SNTG1: variants seen among roughly 807,000 people sequenced by gnomAD.
The protein encoded by SNTG1 is syntrophin gamma 1.
In SNTG1, 39 loss-of-function variants were observed where a neutral mutation model predicts 74.7. The ratio of observed to expected loss-of-function variants is 0.52; its 90% CI spans 0.40 to 0.68. The LOEUF is 0.68. SNTG1 is among the 30% of genes least tolerant of loss of function. SNTG1 has a pLI of 0.00. For synonymous variants in SNTG1, 254 were observed against 217.1 expected, an observed-to-expected ratio of 1.17 and a Z score of -1.49; for missense variants, 685 against 609.5, an observed-to-expected ratio of 1.12 and a Z score of -1.30.
intron 11 of SNTG1, among the ~76,000 whole-genome samples, chr8:50,545,183 G>A (rs2094378020): frequency 6.6e-6 from 1 of 151,566 alleles, no homozygotes; most frequent in African/African-American, 2.4e-5. Context: ...ATATATAATT[G>A]CAACCAAGTT....
At chr8:50,004,305 T>C (rs894250268) in intron 1 of SNTG1, among the ~76,000 whole-genome samples, 3 of 152,132 alleles carry the variant, frequency 2.0e-5, no homozygotes, top group African/African-American at 7.2e-5. Flanking sequence ...GATCACTGAG[T>C]TTTAAAATAT....
chr8:49,940,686 A>G (rs1244685164), intron 1 of SNTG1, among the ~76,000 whole-genome samples: 1 of 152,198 alleles, frequency 6.6e-6, no homozygotes, highest in Non-Finnish European at 1.5e-5. Flanking sequence ...TGTACTAACA[A>G]CAGAGAACTC....
chr8:50,245,609 G>C lies in SNTG1; in HGVS notation c.-28+72974G>C, dbSNP rs944464506. Among the ~76,000 whole-genome samples, 3 of 152,244 alleles carry C rather than the reference G, an allele frequency of 2.0e-5. No homozygotes were observed. The South Asian group carries it at 6.2e-4, about 32-fold the overall frequency. On this transcript the variant is annotated intron_variant, in intron 2 of 18. Coordinates refer to ENST00000642720, the MANE Select transcript of SNTG1 (RefSeq NM_018967.5). ...GAGGCAGGAGAATCCCTTGAACCCA[G>C]GAGGCGGAGGTTGCCATGAGCCGAG...
intron 1 of SNTG1, among the ~76,000 whole-genome samples, chr8:50,111,413 T>TTG (rs112483042): frequency 6.6e-6 from 1 of 151,160 alleles, no homozygotes; most frequent in Non-Finnish European, 1.5e-5. Context: ...CTCTGTCTCT[T>TTG]TCTCTCTCTC....
intron 1 of SNTG1, among the ~76,000 whole-genome samples, chr8:50,129,453 A>T (rs1280828613): frequency 6.6e-6 from 1 of 152,146 alleles, no homozygotes. Flanking sequence ...TATAATTCAT[A>T]AAAAACATCA....
chr8:49,984,493 C>A (rs559168433), intron 1 of SNTG1, among the ~76,000 whole-genome samples: 1 of 152,300 alleles, frequency 6.6e-6, no homozygotes, highest in Admixed American at 6.5e-5. Flanking sequence ...GCGTGAGCCA[C>A]TGCGCCCAGC....
intron 2 of SNTG1, among the ~76,000 whole-genome samples, chr8:50,266,236 A>G (rs1002405161): frequency 6.6e-6 from 1 of 152,112 alleles, no homozygotes; most frequent in African/African-American, 2.4e-5. Flanking sequence ...ATAAGGAAAG[A>G]CATATATAAA....
At chr8:50,761,293 C>T (rs956429624) in intron 18 of SNTG1, among the ~76,000 whole-genome samples, 1 of 151,804 alleles carries the variant, frequency 6.6e-6, no homozygotes, top group Admixed American at 6.6e-5. Flanking sequence ...TCAGGCATGA[C>T]GTACTGAATA....
At chr8:50,701,129 AT>A (rs1330184865) in intron 15 of SNTG1, among the ~76,000 whole-genome samples, 1 of 152,204 alleles carries the variant, frequency 6.6e-6, no homozygotes, top group Non-Finnish European at 1.5e-5. Flanking sequence ...ATTAGATAAT[AT>A]TTTTTATTAT....
chr8:50,643,607 T>G (rs2095087757), intron 13 of SNTG1, among the ~76,000 whole-genome samples: 1 of 152,250 alleles, frequency 6.6e-6, no homozygotes, highest in Admixed American at 6.5e-5. Flanking sequence ...TTAGTTCATT[T>G]TATAACTTCT....
chr8:50,026,826 C>T (rs556871239), intron 1 of SNTG1, among the ~76,000 whole-genome samples: 4 of 152,092 alleles, frequency 2.6e-5, no homozygotes, highest in African/African-American at 4.8e-5. Flanking sequence ...TTGTTTAAAA[C>T]CTATATTTTT....
intron 17 of SNTG1, among the ~76,000 whole-genome samples, chr8:50,736,677 A>T (rs2095529672): frequency 6.6e-6 from 1 of 152,002 alleles, no homozygotes; most frequent in South Asian, 2.1e-4. Context: ...AGATTGGAAG[A>T]AAAAACACTC....
intron 15 of SNTG1, among the ~76,000 whole-genome samples, chr8:50,669,561 C>T (rs970210131): frequency 4.6e-5 from 7 of 152,058 alleles, no homozygotes; most frequent in Non-Finnish European, 7.4e-5. Context: ...AGCTTACCAA[C>T]GAAAAAGAGT....
At chr8:50,191,315 A>G (rs2083565561) in intron 2 of SNTG1, among the ~76,000 whole-genome samples, 1 of 152,134 alleles carries the variant, frequency 6.6e-6, no homozygotes, top group African/African-American at 2.4e-5. Context: ...GGTTCATCAG[A>G]AGCAGTATTG....
intron 1 of SNTG1, among the ~76,000 whole-genome samples, chr8:50,007,802 A>G (rs1435098947): frequency 2.0e-5 from 3 of 152,084 alleles, no homozygotes; most frequent in Non-Finnish European, 4.4e-5. Context: ...ACTACTTGAG[A>G]TTGGGTAATT....
At chr8:50,018,010 A>T (rs1272162662) in intron 1 of SNTG1, among the ~76,000 whole-genome samples, 1 of 152,032 alleles carries the variant, frequency 6.6e-6, no homozygotes, top group Non-Finnish European at 1.5e-5. Flanking sequence ...ATTTGAAAGA[A>T]ATTAAATGAT....
chr8:50,666,983 C>T (rs1183098595), intron 15 of SNTG1, among the ~76,000 whole-genome samples: 2 of 151,726 alleles, frequency 1.3e-5, no homozygotes, highest in East Asian at 3.9e-4. Flanking sequence ...TTTATCGCAA[C>T]TGCTTGCATT....
chr8:49,969,921 T>A (rs1053141091), intron 1 of SNTG1, among the ~76,000 whole-genome samples: 6 of 22,496 alleles, frequency 2.7e-4, no homozygotes, highest in Non-Finnish European at 8.8e-4. Context: ...AAAAAACCTG[T>A]GTGTGTGTGT....
intron 4 of SNTG1, among the ~76,000 whole-genome samples, chr8:50,408,461 G>T (rs1376351737): frequency 6.6e-6 from 1 of 152,158 alleles, no homozygotes; most frequent in East Asian, 1.9e-4. Context: ...AGCCCTTGTG[G>T]ACTGGGACTC....
Sources: allele counts gnomAD v4.1 joint callset (sites outside exome capture counted in the v4.1 genomes callset), GRCh38; gene constraint gnomAD v4.1.1; transcripts MANE v1.5; gene names NCBI Gene and HGNC (gene_info 2026-07-23, HGNC 2026-07-21).